Variants in C1orf141 observed in about 807,000 individuals in gnomAD.
C1orf141 encodes the protein chromosome 1 open reading frame 141.
Under a neutral mutation model 23.2 loss-of-function variants are expected in C1orf141, and 19 were observed. The observed-to-expected ratio is 0.82, with a 90% CI of 0.57 to 1.20. C1orf141 has a LOEUF of 1.20. Ranked by LOEUF, C1orf141 falls within the 50% of genes most tolerant of loss-of-function variation. C1orf141 has a pLI of 0.00. For missense variants in C1orf141, 469 were observed against 455.1 expected, an observed-to-expected ratio of 1.03 and a Z score of -0.28; for synonymous variants, 153 against 154.6, an observed-to-expected ratio of 0.99 and a Z score of 0.08.
chr1:67,121,907 T>C (rs1646306818), intron 4 of C1orf141: 1 of 152,232 alleles, frequency 6.6e-6, no homozygotes, highest in Admixed American at 6.5e-5. Context: ...TTCAGCTCCC[T>C]GTGTCATTAG....
At chr1:67,114,908 T>C (rs1646161286) in intron 5 of C1orf141, among the ~76,000 whole-genome samples, 1 of 152,202 alleles carries the variant, frequency 6.6e-6, no homozygotes, top group Non-Finnish European at 1.5e-5. Flanking sequence ...ACTCCTGACC[T>C]CAGGGGATCC....
At chr1:67,094,168 G>A (rs977964030) in intron 7 of C1orf141, 3 of 152,150 alleles carry the variant, frequency 2.0e-5, no homozygotes, top group African/African-American at 7.2e-5. Flanking sequence ...GAATAAAATA[G>A]CCAAAGTAAT....
chr1:67,102,153 G>T (rs1218720985), intron 5 of C1orf141, among the ~76,000 whole-genome samples: 1 of 152,092 alleles, frequency 6.6e-6, no homozygotes, highest in Non-Finnish European at 1.5e-5. Context: ...ATCCTGAACA[G>T]CATTTTAAAA....
upstream of C1orf141, among the ~76,000 whole-genome samples, chr1:67,137,277 G>T (rs1324983056): frequency 6.6e-6 from 1 of 152,196 alleles, no homozygotes; most frequent in Non-Finnish European, 1.5e-5. Context: ...AAAGGTTACA[G>T]ATTACAACTA....
chr1:67,140,338 A>G (rs1646625134), intron 1 of C1orf141, among the ~76,000 whole-genome samples: 1 of 152,230 alleles, frequency 6.6e-6, no homozygotes, highest in Non-Finnish European at 1.5e-5. Context: ...AAATGTGTAT[A>G]AACAAAGAGT....
chr1:67,120,009 A>G (rs1270834384), intron 4 of C1orf141, among the ~76,000 whole-genome samples: 2 of 152,212 alleles, frequency 1.3e-5, no homozygotes, highest in African/African-American at 4.8e-5. Context: ...GCAGAGCTTC[A>G]GAGGTGAGAC....
chr1:67,108,053 T>C (rs1645973974), intron 5 of C1orf141, among the ~76,000 whole-genome samples: 1 of 152,220 alleles, frequency 6.6e-6, no homozygotes, highest in Non-Finnish European at 1.5e-5. Flanking sequence ...ATAGACTTAC[T>C]TGTAAAATTA....
chr1:67,140,629 T>TA (rs879730893), intron 1 of C1orf141, among the ~76,000 whole-genome samples: 32 of 152,182 alleles, frequency 2.1e-4, no homozygotes, highest in Non-Finnish European at 3.8e-4. Flanking sequence ...GTAAAAACCT[T>TA]AAAAAATGTA....
In C1orf141 at chr1:67,093,496, A is replaced by G. The variant is rs369396280; in HGVS notation, c.712T>C (p.Tyr238His). Residue 238 changes from tyrosine to histidine, a missense_variant, in exon 8 of 8, where the codon TAC becomes CAC. Coordinates refer to ENST00000684719, the MANE Select transcript of C1orf141 (RefSeq NM_001276351.2). Reference protein sequence around the residue: ...SSHPLENENIYPHKRTNFILE... With the variant: ...SSHPLENENIHPHKRTNFILE... ...ATGAAATTTGTTCTTTTATGTGGGT[A>G]AATGTTTTCATTTTCCAAAGGATGA... is the stretch of plus-strand genomic sequence containing the variant. 2 of 1,608,452 alleles carry G rather than the reference A, an allele frequency of 1.2e-6. No individual in the cohort carries two copies. Among genetic ancestry groups the G allele is most frequent in the Non-Finnish European group, 1.7e-6 (2 of 1,175,656 alleles).
intron 5 of C1orf141, among the ~76,000 whole-genome samples, chr1:67,113,918 C>A (rs898249976): frequency 2.6e-5 from 4 of 152,080 alleles, no homozygotes; most frequent in South Asian, 2.1e-4. Flanking sequence ...GATAAGGGAT[C>A]CCTGGTCTTA....
intron 4 of C1orf141, among the ~76,000 whole-genome samples, chr1:67,119,357 C>A (rs968076487): frequency 2.0e-5 from 3 of 152,106 alleles, no homozygotes; most frequent in Non-Finnish European, 4.4e-5. Context: ...TTGTGGAATG[C>A]AGAACTTGCA....
chr1:67,126,011 C>G lies in C1orf141; in HGVS notation c.76-102G>C, dbSNP rs557117919. The G allele has an allele frequency of 4.9e-6, 6 of 1,234,568 alleles. No homozygotes were observed. The East Asian group carries it at 1.5e-4, about 31-fold the overall frequency. The allele number at this position is 1,234,568 out of a possible 1,614,324, so 76.5% of individuals were successfully genotyped here. ...AAAAAAATCTCACTTTACACACACA[C>G]ACACACAGAATTTAGGTGGCAGGCA... On this transcript the variant is annotated intron_variant, in intron 3 of 7. Coordinates refer to ENST00000684719, the MANE Select transcript of C1orf141 (RefSeq NM_001276351.2).
chr1:67,092,645 C>T lies in C1orf141; in HGVS notation c.*360G>A, dbSNP rs549369903. 1.2e-5 allele frequency: 2 copies of T among 161,412 alleles called. No homozygotes were observed. Among genetic ancestry groups the T allele is most frequent in the African/African-American group, 4.8e-5 (2 of 41,612 alleles). 10.0% of individuals were successfully genotyped at this position (161,412 alleles called of 1,614,324 possible). ...TCTTATTTGATATTCAATTATAGAACAAGAGTATTGATGTTATTTGGCTTC... is the reference window on the plus strand; with the variant it reads ...TCTTATTTGATATTCAATTATAGAATAAGAGTATTGATGTTATTTGGCTTC... On this transcript the variant is annotated 3_prime_UTR_variant, in exon 8 of 8. Coordinates refer to ENST00000684719, the MANE Select transcript of C1orf141 (RefSeq NM_001276351.2).
intron 3 of C1orf141, 75 bp from the exon 4 acceptor site, chr1:67,125,984 G>C (rs1558204654): frequency 7.2e-7 from 1 of 1,388,294 alleles, no homozygotes; most frequent in African/African-American, 1.6e-5. Flanking sequence ...TAGGTGGAAA[G>C]AAAAAAAATC....
chr1:67,103,419 C>G, intron 5 of C1orf141: 5 of 1,261,808 alleles, frequency 4.0e-6, no homozygotes, highest in Non-Finnish European at 5.2e-6. Flanking sequence ...ATCTTAGAAA[C>G]TATTTCTTTC....
chr1:67,101,695 A>G (rs527522239), intron 5 of C1orf141, among the ~76,000 whole-genome samples: 2 of 151,886 alleles, frequency 1.3e-5, no homozygotes, highest in African/African-American at 2.4e-5. Flanking sequence ...TTTCTTCCCT[A>G]TTTTCTTTTT....
chr1:67,103,318 A>C, intron 5 of C1orf141: 1 of 1,491,794 alleles, frequency 6.7e-7, no homozygotes, highest in Non-Finnish European at 9.0e-7. Context: ...TGTAGAACCC[A>C]GTGATCTTCT....
chr1:67,096,814 T>C (rs1645691861), intron 5 of C1orf141, among the ~76,000 whole-genome samples: 1 of 152,212 alleles, frequency 6.6e-6, no homozygotes, highest in Non-Finnish European at 1.5e-5. Flanking sequence ...TTTTACCTTG[T>C]CCTCAAGTAG....
chr1:67,127,342 T>A (rs964554965), intron 2 of C1orf141, 85 bp from the exon 3 acceptor site: 1 of 727,472 alleles, frequency 1.4e-6, no homozygotes, highest in African/African-American at 1.8e-5. Context: ...GACTCACTTT[T>A]ACATTACTGT....
Sources: gnomAD v4.1 joint callset for allele counts (sites outside exome capture counted in the v4.1 genomes callset) on GRCh38, gnomAD v4.1.1 for gene constraint, MANE v1.5 for transcripts, NCBI Gene and HGNC (gene_info 2026-07-23, HGNC 2026-07-21) for gene names.